NUP214: variants seen among roughly 807,000 people sequenced by gnomAD.
NUP214 encodes nuclear pore complex protein Nup214.
Under a neutral mutation model 196.2 loss-of-function variants are expected in NUP214, and 79 were observed. The ratio of observed to expected loss-of-function variants is 0.40; its 90% CI spans 0.34 to 0.49. The LOEUF (loss-of-function observed/expected upper bound fraction) is 0.49. Ranked by LOEUF, NUP214 falls within the 20% of genes least tolerant of loss-of-function variation. The pLI, the probability that NUP214 is intolerant of heterozygous loss-of-function variation, is 0.58. For synonymous variants in NUP214, 1,020 were observed against 990.5 expected, an observed-to-expected ratio of 1.03 and a Z score of -0.56; for missense variants, 2,468 against 2,539.0, an observed-to-expected ratio of 0.97 and a Z score of 0.60.
At chr9:131,196,797 A>G (rs931473669) in intron 28 of NUP214, among the ~76,000 whole-genome samples, 4 of 152,228 alleles carry the variant, frequency 2.6e-5, no homozygotes, top group African/African-American at 7.2e-5. Flanking sequence ...GCTCATAAAA[A>G]TGAAGGAAGA....
chr9:131,137,001 A>G (rs1384546963), intron 9 of NUP214, among the ~76,000 whole-genome samples: 3 of 151,778 alleles, frequency 2.0e-5, no homozygotes, highest in African/African-American at 7.3e-5. Flanking sequence ...TTTATCTGTC[A>G]CTCTCTGGGT....
At chr9:131,228,131 T>A in intron 32 of NUP214, 29 bp from the exon 33 acceptor site, 1 of 1,530,000 alleles carries the variant, frequency 6.5e-7, no homozygotes, top group South Asian at 1.2e-5. Flanking sequence ...TTCTCCCTAT[T>A]TCTGTTTGTT....
In NUP214 at chr9:131,164,161, A is replaced by G; in HGVS notation, c.2893+17A>G. ...CTGCTCCAGGTAAAGAGAACCAGTA[A>G]CTGGGCCTGTACATAGTGATAGGGT... On this transcript the variant is annotated intron_variant, in intron 21 of 35. Coordinates refer to ENST00000359428, the MANE Select transcript of NUP214 (RefSeq NM_005085.4). The G allele has an allele frequency of 1.9e-6, 3 of 1,611,556 alleles. No homozygotes were observed. Among genetic ancestry groups the G allele is most frequent in the Non-Finnish European group, 2.5e-6 (3 of 1,177,778 alleles).
At chr9:131,218,247 T>C (rs1377070365) in intron 31 of NUP214, among the ~76,000 whole-genome samples, 1 of 152,200 alleles carries the variant, frequency 6.6e-6, no homozygotes, top group African/African-American at 2.4e-5. Flanking sequence ...TTTGGGGTAC[T>C]AGGTGTATGA....
intron 32 of NUP214, among the ~76,000 whole-genome samples, chr9:131,224,288 A>G (rs1834666225): frequency 6.6e-6 from 1 of 152,174 alleles, no homozygotes; most frequent in Admixed American, 6.5e-5. Flanking sequence ...GAAAACATGT[A>G]CTTCATTTCT....
Position 131,228,435 on chromosome 9 carries a change from C to A in NUP214, c.6074+104C>A, listed in dbSNP as rs1372204874. 3.5e-6 allele frequency: 4 copies of A among 1,145,700 alleles called. No homozygotes were observed. In the Admixed American group the frequency reaches 1.3e-4, roughly 39 times the overall value. The allele number at this position is 1,145,700 out of a possible 1,614,324, so 71.0% of individuals were successfully genotyped here. ...AGAAATTTGACCATGAGGTGAAGGC[C>A]CCTCCCTTGAAATTTGTGAACAACT... On this transcript the variant is annotated intron_variant, in intron 33 of 35. Coordinates refer to ENST00000359428, the MANE Select transcript of NUP214 (RefSeq NM_005085.4).
Position 131,125,774 on chromosome 9 carries a change from T to C in NUP214, c.45+25T>C, listed in dbSNP as rs1437478124. ...GGTCAGAGACTAACCGGGGCCTCCC[T>C]CCCTTCTTTAGTCCTGGCGTTGCCT... is the stretch of plus-strand genomic sequence containing the variant. On this transcript the variant is annotated intron_variant, in intron 1 of 35. Coordinates refer to ENST00000359428, the MANE Select transcript of NUP214 (RefSeq NM_005085.4). The surrounding 1 kb of genome is among the most constrained non-coding windows in gnomAD (Gnocchi z 4.1). 1.3e-6 allele frequency: 2 copies of C among 1,550,362 alleles called. No individual in the cohort carries two copies. Among genetic ancestry groups the C allele is most frequent in the Non-Finnish European group, 1.7e-6 (2 of 1,146,324 alleles).
chr9:131,130,137 G>GTTTTTT (rs757856001), intron 4 of NUP214, among the ~76,000 whole-genome samples: 4,045 of 76,620 alleles, frequency 0.053, 406 homozygotes, highest in Middle Eastern at 0.15. Flanking sequence ...TTCTGGTTTT[G>GTTTTTT]TTTTTTTTTT....
At chr9:131,229,498 T>G in intron 33 of NUP214, 1 of 339,514 alleles carries the variant, frequency 2.9e-6, no homozygotes, top group Non-Finnish European at 5.7e-6. Context: ...TCTTGTGAAT[T>G]GATTTATTTA....
chr9:131,230,367 G>T, intron 33 of NUP214: 1 of 472,010 alleles, frequency 2.1e-6, no homozygotes, highest in South Asian at 2.4e-5. Context: ...ATGCCCTGGT[G>T]TTCCAATGGG....
chr9:131,189,193 T>G (rs1833534684), intron 26 of NUP214, 62 bp downstream of exon 26: 2 of 1,324,806 alleles, frequency 1.5e-6, no homozygotes, highest in African/African-American at 1.4e-5. Flanking sequence ...GGGGTTATTG[T>G]TCTGGATCAC....
At chr9:131,219,947 G>A (rs1350215137) in intron 31 of NUP214, among the ~76,000 whole-genome samples, 2 of 152,164 alleles carry the variant, frequency 1.3e-5, no homozygotes, top group African/African-American at 4.8e-5. Flanking sequence ...CTGATACTCT[G>A]TATCGGATTT....
At chr9:131,169,784 G>A (rs1832902697) in intron 21 of NUP214, among the ~76,000 whole-genome samples, 1 of 152,156 alleles carries the variant, frequency 6.6e-6, no homozygotes, top group Non-Finnish European at 1.5e-5. Context: ...GTGATGAGAG[G>A]GGCATGTCTG....
At chr9:131,147,456 G>A (rs781314414) in intron 13 of NUP214, 34 bp from the exon 14 acceptor site, 14 of 1,462,618 alleles carry the variant, frequency 9.6e-6, no homozygotes, top group Admixed American at 1.9e-5. Context: ...GGTAATAAAT[G>A]CCATCTATTT....
chr9:131,195,316 G>A lies in NUP214; in HGVS notation c.3721+22G>A, dbSNP rs773947356. On this transcript the variant is annotated intron_variant, in intron 28 of 35. Coordinates refer to ENST00000359428, the MANE Select transcript of NUP214 (RefSeq NM_005085.4). ...CAAGGTACAGACTCTGTGTTGAGTAGCATTACTCATGTGTTTTCTCTAAAT... is the reference window on the plus strand; with the variant it reads ...CAAGGTACAGACTCTGTGTTGAGTAACATTACTCATGTGTTTTCTCTAAAT... The A allele has an allele frequency of 3.8e-6, 6 of 1,581,136 alleles. No homozygotes were observed. The South Asian group carries it at 5.5e-5, about 15-fold the overall frequency.
intron 24 of NUP214, among the ~76,000 whole-genome samples, chr9:131,181,982 T>A (rs1833292373): frequency 6.6e-6 from 1 of 152,238 alleles, no homozygotes; most frequent in Non-Finnish European, 1.5e-5. Flanking sequence ...GAGTTAATTT[T>A]TGTAAATGGT....
intron 21 of NUP214, among the ~76,000 whole-genome samples, chr9:131,169,362 G>A (rs1832889785): frequency 6.6e-6 from 1 of 152,222 alleles, no homozygotes; most frequent in East Asian, 1.9e-4. Flanking sequence ...AAATAAAATT[G>A]CAAGGCAAGG....
chr9:131,213,751 CTGTTGT>C lies in NUP214; in HGVS notation c.5593-1429_5593-1424del, dbSNP rs55661030. Reference sequence around the variant, plus strand: ...ATTAAATGGTTGTAGTGAATTGGTACTGTTGTTGTTGTTGTTGTTGTTGTTGTTGTT... The same window carrying C: ...ATTAAATGGTTGTAGTGAATTGGTACTGTTGTTGTTGTTGTTGTTGTTGTT... On this transcript the variant is annotated intron_variant, in intron 30 of 35. Transcript: ENST00000359428. Among the ~76,000 whole-genome samples, 1,164 of 147,640 alleles carry C rather than the reference CTGTTGT, an allele frequency of 7.9e-3. 3 individuals carry two copies. The highest frequency in any genetic ancestry group is 0.01 in the Middle Eastern group (3 of 290).
chr9:131,133,310 T>G (rs1831617304), intron 7 of NUP214, 101 bp downstream of exon 7: 3 of 656,124 alleles, frequency 4.6e-6, no homozygotes, highest in Non-Finnish European at 7.2e-6. Context: ...TTGTGTTTTT[T>G]TTTTTTTTTT....
Sources: gnomAD v4.1 joint callset for allele counts (sites outside exome capture counted in the v4.1 genomes callset) on GRCh38, gnomAD v4.1.1 for gene constraint, Gnocchi (gnomAD v3.1) non-coding constraint, MANE v1.5 for transcripts, NCBI Gene and HGNC (gene_info 2026-07-23, HGNC 2026-07-21) for gene names.